ABCG4: variants seen among roughly 807,000 people sequenced by gnomAD.
ABCG4 encodes the protein ATP binding cassette subfamily G member 4.
In ABCG4, 35 loss-of-function variants were observed where a neutral mutation model predicts 64.6. The ratio of observed to expected loss-of-function variants is 0.54; its 90% CI spans 0.41 to 0.72. ABCG4 has a LOEUF of 0.72. ABCG4 is among the 30% of genes least tolerant of loss of function. The pLI is 0.00. For missense variants in ABCG4, 610 were observed against 846.3 expected, an observed-to-expected ratio of 0.72 and a Z score of 3.46; for synonymous variants, 326 against 348.2, an observed-to-expected ratio of 0.94 and a Z score of 0.71.
chr11:119,156,528 CG>C lies in ABCG4; in HGVS notation c.811-35del, dbSNP rs749146911. 6 of 1,613,898 alleles carry C rather than the reference CG, an allele frequency of 3.7e-6. No individual in the cohort carries two copies. The South Asian group carries it at 6.6e-5, about 18-fold the overall frequency. On this transcript the variant is annotated intron_variant, in intron 7 of 14. Transcript: ENST00000619701. The surrounding 1 kb of genome is among the most constrained non-coding windows in gnomAD (Gnocchi z 5.5). ...AGGGGGTCAGTAGGGGTGCCTGGCC[CG>C]CTGTTCCTTCCTTACCCTTCTCTTT...
rs1241015264 is a variant in ABCG4, at chr11:119,154,058, A to G, written c.271A>G (p.Lys91Glu). 5 of 1,614,190 alleles carry G rather than the reference A, an allele frequency of 3.1e-6. No individual in the cohort carries two copies. The highest frequency in any genetic ancestry group is 3.3e-5 in the Admixed American group (2 of 60,014). Residue 91 changes from lysine (K) to glutamate (E), a missense_variant, in exon 3 of 15, where the codon AAA becomes GAA. Physicochemically the swap from Lys to Glu is moderately conservative, Grantham distance 56 (BLOSUM62 1). Transcript: ENST00000619701. The surrounding 1 kb of genome is among the most constrained non-coding windows in gnomAD (Gnocchi z 7.0). ...GACCCTTCTCAAGTGCCTCTCAGGT[A>G]AATTCTGCCGCCGGGAGCTGATTGG... The part of the protein sequence containing the change: ...YKTLLKCLSG[K>E]FCRRELIGIM...
In ABCG4 at chr11:119,156,984, G is replaced by T; in HGVS notation, c.1038G>T (p.Glu346Asp). Residue 346 changes from glutamate (E) to aspartate (D), a missense_variant, in exon 9 of 15, where the codon GAG (glutamate) becomes GAT (aspartate). Glu to Asp is a conservative substitution (Grantham distance 45, BLOSUM62 2). Coordinates refer to ENST00000619701, the MANE Select transcript of ABCG4 (RefSeq NM_022169.5). The surrounding 1 kb of genome is among the most constrained non-coding windows in gnomAD (Gnocchi z 5.5). Reference protein sequence around the residue: ...AEKKSSPEKNEVPAPCPPCPP... With the variant: ...AEKKSSPEKNDVPAPCPPCPP... ...AGAAGAGCAGCCCTGAGAAGAACGAGGTCCCTGCCCCATGCCCTCCTTGTC... is the reference window on the plus strand; with the variant it reads ...AGAAGAGCAGCCCTGAGAAGAACGATGTCCCTGCCCCATGCCCTCCTTGTC... 1 of 1,613,000 alleles carries T rather than the reference G, an allele frequency of 6.2e-7. No individual in the cohort carries two copies. The highest frequency in any genetic ancestry group is 8.5e-7 in the Non-Finnish European group (1 of 1,179,478).
At position 119,160,990 on chromosome 11, in the gene ABCG4, CT is replaced by C; in HGVS notation, c.1826del (p.Leu609ArgfsTer20). 6.2e-7 allele frequency: 1 copy of C among 1,614,120 alleles called. No individual in the cohort carries two copies. Among genetic ancestry groups the C allele is most frequent in the African/African-American group, 1.3e-5 (1 of 75,022 alleles). ...GGAGCCACAGAGCATCCTCCGAGCG[CT>C]GGATGTGGAGGATGCCAAGCTCTAC... ...FREPQSILRA[L>X]DVEDAKLYMD... On this transcript the variant is annotated frameshift_variant, in exon 15 of 15. Coordinates refer to ENST00000619701, the MANE Select transcript of ABCG4 (RefSeq NM_022169.5). LOFTEE classifies it high-confidence loss of function. The surrounding 1 kb of genome is among the most constrained non-coding windows in gnomAD (Gnocchi z 4.6).
In ABCG4 at chr11:119,154,979, A is replaced by G. The variant is rs947806113; in HGVS notation, c.686+64A>G. 3 of 1,544,828 alleles carry G rather than the reference A, an allele frequency of 1.9e-6. No homozygotes were observed. Among genetic ancestry groups the G allele is most frequent in the African/African-American group, 2.7e-5 (2 of 73,218 alleles). On this transcript the variant is annotated intron_variant, in intron 6 of 14. Transcript: ENST00000619701. The surrounding 1 kb of genome is among the most constrained non-coding windows in gnomAD (Gnocchi z 7.0). ...CCTCTCGGCCCTGAGCCAGGGCTGG[A>G]GGCTGCATCTTCTCCATGATCCAGA...
At position 119,160,496 on chromosome 11, in the gene ABCG4, G is replaced by A. The variant is rs1036209406; in HGVS notation, c.1597-42G>A. 1.9e-6 allele frequency: 3 copies of A among 1,608,348 alleles called. No homozygotes were observed. In the South Asian group the frequency reaches 3.3e-5, roughly 18 times the overall value. On this transcript the variant is annotated intron_variant, in intron 13 of 14. Transcript: ENST00000619701. The surrounding 1 kb of genome is among the most constrained non-coding windows in gnomAD (Gnocchi z 4.6). ...GCTCTAGGAAACCTGGGTTTGTCCT[G>A]GTCACCCCTATGATGGCCTGGCCCC...
In ABCG4 at chr11:119,149,748, G is replaced by A; in HGVS notation, c.-12-206G>A. On this transcript the variant is annotated intron_variant, in intron 1 of 14. Coordinates refer to ENST00000619701, the MANE Select transcript of ABCG4 (RefSeq NM_022169.5). This position sits in a 1 kb window ranked among gnomAD's most constrained non-coding sequence, Gnocchi z 8.3. ...GCGATTGAGGGCTTCAAGGGGACGGGCTGGGGTCAGGCTGGAGCTGGGCTG... is the reference window on the plus strand; with the variant it reads ...GCGATTGAGGGCTTCAAGGGGACGGACTGGGGTCAGGCTGGAGCTGGGCTG... 1.3e-6 allele frequency: 1 copy of A among 740,824 alleles called. No homozygotes were observed. Among genetic ancestry groups the A allele is most frequent in the Non-Finnish European group, 2.1e-6 (1 of 472,300 alleles). 45.9% of individuals were successfully genotyped at this position (740,824 alleles called of 1,614,324 possible). A position where few individuals can be genotyped will look rare whatever the true frequency, so the allele number is the denominator to read the frequency against.
rs1341264616 is a variant in ABCG4 at position 119,155,120 on chromosome 11, C to T, written c.686+205C>T. On this transcript the variant is annotated intron_variant, in intron 6 of 14. Coordinates refer to ENST00000619701, the MANE Select transcript of ABCG4 (RefSeq NM_022169.5). This position sits in a 1 kb window ranked among gnomAD's most constrained non-coding sequence, Gnocchi z 4.5. Reference sequence around the variant, plus strand: ...TCGCCTGGGCAGAGATCTAGGTGTCCTCCTTGATTGACACCTCCCTCTCCA... The same window carrying T: ...TCGCCTGGGCAGAGATCTAGGTGTCTTCCTTGATTGACACCTCCCTCTCCA... 6.6e-6 allele frequency among the ~76,000 whole-genome samples: 1 copy of T among 152,172 alleles called. No individual in the cohort carries two copies. The highest frequency in any genetic ancestry group is 2.4e-5 in the African/African-American group (1 of 41,440).
chr11:119,159,171 CAACA>C (rs2135128566), intron 12 of ABCG4, among the ~76,000 whole-genome samples: 1 of 152,314 alleles, frequency 6.6e-6, no homozygotes, highest in South Asian at 2.1e-4. Context: ...GGACAACTGA[CAACA>C]AACAGAAAAT....
Position 119,158,749 on chromosome 11 carries a change from G to A in ABCG4, c.1336+24G>A. ...CTGTGAGCTGAGCTGCCCTGGGCAT[G>A]GGGCAAGGGTGTGGGTGCTGGGGCT... On this transcript the variant is annotated intron_variant, in intron 11 of 14. Transcript: ENST00000619701. This position sits in a 1 kb window ranked among gnomAD's most constrained non-coding sequence, Gnocchi z 4.5. 1.2e-6 allele frequency: 2 copies of A among 1,614,138 alleles called. No homozygotes were observed. Among genetic ancestry groups the A allele is most frequent in the Non-Finnish European group, 1.7e-6 (2 of 1,180,016 alleles).
In ABCG4 at chr11:119,160,950, A is replaced by G. The variant is rs757639797; in HGVS notation, c.1785A>G (p.Glu595=). 2.5e-6 allele frequency: 4 copies of G among 1,614,062 alleles called. 1 individual carries two copies. In the South Asian group the frequency reaches 3.3e-5, roughly 13 times the overall value. ...GAGGAGACCTGACATGTTTAGAGGAACGCTGCCCGTTCCGGGAGCCACAGA... is the reference window on the plus strand; with the variant it reads ...GAGGAGACCTGACATGTTTAGAGGAGCGCTGCCCGTTCCGGGAGCCACAGA... ...MERGDLTCLE[E]RCPFREPQSI... The change falls in exon 15 of 15, where the codon GAA becomes GAG. Residue 595 remains glutamate (E), a synonymous_variant. Transcript: ENST00000619701. The surrounding 1 kb of genome is among the most constrained non-coding windows in gnomAD (Gnocchi z 4.6).
At position 119,160,521 on chromosome 11, in the gene ABCG4, C is replaced by T. The variant is rs750036543; in HGVS notation, c.1597-17C>T. 5.9e-6 allele frequency: 8 copies of T among 1,361,216 alleles called. No individual in the cohort carries two copies. Among genetic ancestry groups the T allele is most frequent in the South Asian group, 1.2e-5 (1 of 85,952 alleles). 84.3% of individuals were successfully genotyped at this position (1,361,216 alleles called of 1,614,324 possible). On this transcript the variant is annotated splice_polypyrimidine_tract_variant and intron_variant, in intron 13 of 14. Coordinates refer to ENST00000619701, the MANE Select transcript of ABCG4 (RefSeq NM_022169.5). The surrounding 1 kb of genome is among the most constrained non-coding windows in gnomAD (Gnocchi z 4.6). Reference sequence around the variant, plus strand: ...GGTCACCCCTATGATGGCCTGGCCCCCTCCCTTCCCCTCTAGGTGGCCACT... The same window carrying T: ...GGTCACCCCTATGATGGCCTGGCCCTCTCCCTTCCCCTCTAGGTGGCCACT...
At chr11:119,153,334 A>T (rs779625187) in intron 2 of ABCG4, 1 of 153,532 alleles carries the variant, frequency 6.5e-6, no homozygotes, top group Non-Finnish European at 1.5e-5. Context: ...CTGCCTTCCA[A>T]TGAATGAATG....
At chr11:119,157,159 C>T (rs757955203) in intron 9 of ABCG4, 145 bp downstream of exon 9, 3 of 1,102,408 alleles carry the variant, frequency 2.7e-6, no homozygotes, top group Non-Finnish European at 3.8e-6. Context: ...AATCGACCTA[C>T]TAGGAACAGC....
In ABCG4 at chr11:119,160,197, T is replaced by G; in HGVS notation, c.1438-30T>G. ...TGGCTGCTGTGCCCCTGGCTTGAAG[T>G]CCACTGTCCAGCCCGTGCCCACTCC... On this transcript the variant is annotated intron_variant, in intron 12 of 14. Transcript: ENST00000619701. This position sits in a 1 kb window ranked among gnomAD's most constrained non-coding sequence, Gnocchi z 4.6. The G allele has an allele frequency of 6.3e-7, 1 of 1,583,812 alleles. No homozygotes were observed. The highest frequency in any genetic ancestry group is 8.6e-7 in the Non-Finnish European group (1 of 1,157,420).
In ABCG4 at chr11:119,154,577, T is replaced by C. The variant is rs1185211894; in HGVS notation, c.540+2T>C. 1 of 1,612,966 alleles carries C rather than the reference T, an allele frequency of 6.2e-7. No individual in the cohort carries two copies. Among genetic ancestry groups the C allele is most frequent in the East Asian group, 2.2e-5 (1 of 44,874 alleles). On this transcript the variant is annotated splice_donor_variant, in intron 5 of 14. Transcript: ENST00000619701. LOFTEE classifies it high-confidence loss of function. The surrounding 1 kb of genome is among the most constrained non-coding windows in gnomAD (Gnocchi z 7.0). ...AAGCAGGAGGTGAAGAAGGAGCTGG[T>C]GAGTGGGGAAGGGAGGCAGTGGGAC...
chr11:119,153,457 G>A (rs149510277), intron 2 of ABCG4: 1 of 152,928 alleles, frequency 6.5e-6, no homozygotes, highest in African/African-American at 2.4e-5. Context: ...GAGAACTCAC[G>A]CTCGTGGAAC....
At position 119,156,848 on chromosome 11, in the gene ABCG4, G is replaced by T; in HGVS notation, c.926-24G>T. Reference sequence around the variant, plus strand: ...TGGGAAGTGAGTGTGAATCTAAACTGAGCTCTCCACTCTGTGTCCCCAGTC... The same window carrying T: ...TGGGAAGTGAGTGTGAATCTAAACTTAGCTCTCCACTCTGTGTCCCCAGTC... On this transcript the variant is annotated intron_variant, in intron 8 of 14. Coordinates refer to ENST00000619701, the MANE Select transcript of ABCG4 (RefSeq NM_022169.5). The surrounding 1 kb of genome is among the most constrained non-coding windows in gnomAD (Gnocchi z 5.5). 6.3e-7 allele frequency: 1 copy of T among 1,599,838 alleles called. No homozygotes were observed. Among genetic ancestry groups the T allele is most frequent in the South Asian group, 1.1e-5 (1 of 89,216 alleles).
Position 119,150,227 on chromosome 11 carries a change from A to T in ABCG4, c.238+24A>T, listed in dbSNP as rs745928544. 1.9e-6 allele frequency: 3 copies of T among 1,603,406 alleles called. No individual in the cohort carries two copies. In the South Asian group the frequency reaches 3.3e-5, roughly 18 times the overall value. On this transcript the variant is annotated intron_variant, in intron 2 of 14. Coordinates refer to ENST00000619701, the MANE Select transcript of ABCG4 (RefSeq NM_022169.5). This position sits in a 1 kb window ranked among gnomAD's most constrained non-coding sequence, Gnocchi z 4.3. ...GGGTAGGGAACAGCCTGGTAGGGGG[A>T]GTCCGTGGGCCCTCTCTGAGTTGCC...
At chr11:119,151,640 A>C (rs1234411827) in intron 2 of ABCG4, among the ~76,000 whole-genome samples, 1 of 152,236 alleles carries the variant, frequency 6.6e-6, no homozygotes, top group Non-Finnish European at 1.5e-5. Context: ...TATTTTTAAT[A>C]ATCTCACTTA....
Sources: allele counts gnomAD v4.1 joint callset (sites outside exome capture counted in the v4.1 genomes callset), GRCh38; gene constraint gnomAD v4.1.1; non-coding constraint Gnocchi (gnomAD v3.1); transcripts MANE v1.5; gene names NCBI Gene and HGNC (gene_info 2026-07-23, HGNC 2026-07-21).